SLC6A13: variants seen among roughly 807,000 people sequenced by gnomAD.
SLC6A13 encodes sodium- and chloride-dependent GABA transporter 2.
SLC6A13 carries 69 observed loss-of-function variants against 72.9 expected under a neutral mutation model. The ratio of observed to expected loss-of-function variants is 0.95; its 90% CI spans 0.78 to 1.16. The LOEUF (loss-of-function observed/expected upper bound fraction) is 1.16, where lower values mean the gene tolerates loss of function less well. Ranked by LOEUF, SLC6A13 falls within the 50% of genes most tolerant of loss-of-function variation. The pLI is 0.00. For synonymous variants in SLC6A13, 303 were observed against 303.0 expected (o/e 1.00, Z 0.00); for missense variants, 735 against 760.5 (o/e 0.97, Z 0.39).
chr12:252,711 A>T (rs1265880161), intron 2 of SLC6A13, among the ~76,000 whole-genome samples: 1 of 152,262 alleles, frequency 6.6e-6, no homozygotes, highest in South Asian at 2.1e-4. Context: ...TGACAGGAAC[A>T]GTCACTGTGG....
In SLC6A13 at chr12:225,845, G is replaced by A. The variant is rs12049966; in HGVS notation, c.1060+545C>T. Among the ~76,000 whole-genome samples, 35 of 152,264 alleles carry A rather than the reference G, an allele frequency of 2.3e-4. No individual in the cohort carries two copies. The East Asian group carries it at 5.6e-3, about 24-fold the overall frequency. On this transcript the variant is annotated intron_variant, in intron 9 of 14. Coordinates refer to ENST00000343164, the MANE Select transcript of SLC6A13 (RefSeq NM_016615.5). Reference sequence around the variant, plus strand: ...AAACATTTTATGGCTTATCCAGACTGGGGCCTGGGCCTTGATGTTATTTGA... The same window carrying A: ...AAACATTTTATGGCTTATCCAGACTAGGGCCTGGGCCTTGATGTTATTTGA...
chr12:223,178 G>A lies in SLC6A13; in HGVS notation c.1368C>T (p.Leu456=). 1 of 1,613,972 alleles carries A rather than the reference G, an allele frequency of 6.2e-7. No individual in the cohort carries two copies. Among genetic ancestry groups the A allele is most frequent in the Non-Finnish European group, 8.5e-7 (1 of 1,179,842 alleles). The change falls in exon 12 of 15, where the codon CTC becomes CTT. Residue 456 remains leucine (L), a synonymous_variant. Coordinates refer to ENST00000343164, the MANE Select transcript of SLC6A13 (RefSeq NM_016615.5). The stretch of plus-strand genomic sequence containing the variant: ...GGGACTCGAAGATGGCCACGAACAG[G>A]AGGCACATGCCACTGGCCGCATAGT... ...FDYYAASGMC[L]LFVAIFESLC... is the part of the protein sequence containing the mutation.
intron 2 of SLC6A13, among the ~76,000 whole-genome samples, chr12:256,220 C>T (rs551673707): frequency 2.6e-5 from 4 of 152,204 alleles, no homozygotes; most frequent in East Asian, 3.9e-4. Context: ...GGAATTGGTC[C>T]GTTTTGATTA....
chr12:255,738 C>T (rs1447800017), intron 2 of SLC6A13, among the ~76,000 whole-genome samples: 1 of 152,220 alleles, frequency 6.6e-6, no homozygotes, highest in Non-Finnish European at 1.5e-5. Flanking sequence ...GCCCAAAACC[C>T]TGCCCTGCAT....
rs761046519 is a variant in SLC6A13 at position 224,149 on chromosome 12, G to C, written c.1174-20C>G. On this transcript the variant is annotated intron_variant, in intron 10 of 14. Coordinates refer to ENST00000343164, the MANE Select transcript of SLC6A13 (RefSeq NM_016615.5). ...CACAAACTGGATGACAGGGCAAAGG[G>C]ATTGGAGGGAAGGAGAGCTCCCGAG... 45 of 1,613,692 alleles carry C rather than the reference G, an allele frequency of 2.8e-5. No homozygotes were observed. Among genetic ancestry groups the C allele is most frequent in the Non-Finnish European group, 3.7e-5 (44 of 1,179,724 alleles).
chr12:249,313 T>G (rs1276856930), intron 2 of SLC6A13, among the ~76,000 whole-genome samples: 1 of 150,364 alleles, frequency 6.7e-6, no homozygotes, highest in African/African-American at 2.4e-5. Context: ...AAAATCAGAG[T>G]GGAAATCAAT....
intron 7 of SLC6A13, among the ~76,000 whole-genome samples, chr12:231,207 A>T (rs1006108791): frequency 2.0e-5 from 3 of 152,182 alleles, no homozygotes; most frequent in African/African-American, 7.2e-5. Flanking sequence ...CAGGGGGAGG[A>T]GACAAGGCCT....
At chr12:228,436 G>C (rs1384789089) in intron 7 of SLC6A13, among the ~76,000 whole-genome samples, 4 of 152,062 alleles carry the variant, frequency 2.6e-5, no homozygotes, top group Non-Finnish European at 5.9e-5. Context: ...CACAACCAGG[G>C]AGCACCCCGC....
At chr12:251,165 C>CA (rs1230938746) in intron 2 of SLC6A13, among the ~76,000 whole-genome samples, 4,560 of 124,186 alleles carry the variant, frequency 0.037, 219 homozygotes, top group African/African-American at 0.12. Flanking sequence ...CAAAAAAAAA[C>CA]AAAAAAAAAA....
chr12:238,111 G>T, intron 4 of SLC6A13, 101 bp from the exon 5 acceptor site: 2 of 1,562,170 alleles, frequency 1.3e-6, no homozygotes. Context: ...GGGAAGGAAG[G>T]TATTTGGCAG....
chr12:238,368 T>C, intron 4 of SLC6A13: 4 of 1,305,536 alleles, frequency 3.1e-6, no homozygotes, highest in Non-Finnish European at 3.0e-6. Flanking sequence ...AAGAGGGAAG[T>C]GATGTGTCAG....
In SLC6A13 at chr12:234,304, T is replaced by C. The variant is rs529287726; in HGVS notation, c.831+786A>G. Among the ~76,000 whole-genome samples the C allele has an allele frequency of 5.4e-4, 82 of 152,288 alleles. 1 individual carries two copies. The South Asian group carries it at 0.012, about 22-fold the overall frequency. ...GGCAACGTCAGGAAGTTAACCTCTA[T>C]GGTCTAAAATGGGAGGGAACCCTCA... is the stretch of plus-strand genomic sequence containing the variant. On this transcript the variant is annotated intron_variant, in intron 7 of 14. Transcript: ENST00000343164.
Position 227,777 on chromosome 12 carries a change from G to T in SLC6A13, c.832-109C>A, listed in dbSNP as rs554909012. 8.5e-4 allele frequency: 778 copies of T among 916,074 alleles called. 4 individuals are homozygous for T. Among genetic ancestry groups the T allele is most frequent in the South Asian group, 5.5e-4 (32 of 58,518 alleles). 56.7% of individuals were successfully genotyped at this position (916,074 alleles called of 1,614,324 possible). A position where few individuals can be genotyped will look rare whatever the true frequency, so the allele number is the denominator to read the frequency against. On this transcript the variant is annotated intron_variant, in intron 7 of 14. Transcript: ENST00000343164. ...GCCAGACACTGGCTAGGGATGGCGA[G>T]AAACCTGTTCTCAGCCAACACTTGC...
In SLC6A13 at chr12:228,294, C is replaced by T. The variant is rs566245194; in HGVS notation, c.832-626G>A. ...ATTATCTCAGCTGGCTCGCCCAGCC[C>T]GTGCATGTTATGATTTAGATCTAAC... On this transcript the variant is annotated intron_variant, in intron 7 of 14. Coordinates refer to ENST00000343164, the MANE Select transcript of SLC6A13 (RefSeq NM_016615.5). Among the ~76,000 whole-genome samples the T allele has an allele frequency of 4.6e-5, 7 of 152,280 alleles. No individual in the cohort carries two copies. In the South Asian group the frequency reaches 1.2e-3, roughly 27 times the overall value.
chr12:228,557 C>G (rs1201585115), intron 7 of SLC6A13, among the ~76,000 whole-genome samples: 1 of 152,152 alleles, frequency 6.6e-6, no homozygotes, highest in Admixed American at 6.5e-5. Context: ...AGAACCCCCC[C>G]AAGCAGGCCC....
intron 1 of SLC6A13, 63 bp downstream of exon 1, chr12:262,726 A>T: frequency 1.0e-6 from 1 of 984,308 alleles, no homozygotes; most frequent in Non-Finnish European, 1.2e-6. Flanking sequence ...AGTCCCATGG[A>T]TCCCACCAAC....
chr12:222,635 A>T lies in SLC6A13; in HGVS notation c.1415-3T>A. 6.3e-7 allele frequency: 1 copy of T among 1,587,044 alleles called. No individual in the cohort carries two copies. The highest frequency in any genetic ancestry group is 1.7e-5 in the Admixed American group (1 of 58,806). The stretch of plus-strand genomic sequence containing the variant: ...GTTGTCGTAGAAGCGCTTGGCTCCT[A>T]CCATGGAGAAAAGAAGAAGGAAGGA... On this transcript the variant is annotated splice_polypyrimidine_tract_variant and splice_region_variant and intron_variant, in intron 12 of 14. Coordinates refer to ENST00000343164, the MANE Select transcript of SLC6A13 (RefSeq NM_016615.5).
chr12:246,062 G>A (rs774571404), intron 2 of SLC6A13, among the ~76,000 whole-genome samples: 2 of 151,906 alleles, frequency 1.3e-5, no homozygotes, highest in Non-Finnish European at 2.9e-5. Context: ...AGGTTGCAGT[G>A]AGCCGAGATT....
At chr12:228,467 C>T (rs560352030) in intron 7 of SLC6A13, among the ~76,000 whole-genome samples, 2 of 152,262 alleles carry the variant, frequency 1.3e-5, no homozygotes, top group South Asian at 2.1e-4. Flanking sequence ...GACATCCAAG[C>T]AGGTGTTCCT....
Sources: allele counts gnomAD v4.1 joint callset (sites outside exome capture counted in the v4.1 genomes callset), GRCh38; gene constraint gnomAD v4.1.1; transcripts MANE v1.5; gene names NCBI Gene and HGNC (gene_info 2026-07-23, HGNC 2026-07-21).